ATXN1: variants seen among roughly 807,000 people sequenced by gnomAD.
ATXN1 encodes the protein ataxin-1.
A neutral mutation model predicts 56.4 loss-of-function variants in ATXN1; 8 were observed. The ratio of observed to expected loss-of-function variants is 0.14; its 90% CI spans 0.08 to 0.26. The LOEUF is 0.26. Among genes scored for constraint, ATXN1 ranks in the 10% least tolerant of loss-of-function variants. The pLI is 1.00. For synonymous variants in ATXN1, 514 were observed against 494.6 expected (o/e 1.04, Z -0.52); for missense variants, 987 against 1,106.5 (o/e 0.89, Z 1.53).
intron 2 of ATXN1, among the ~76,000 whole-genome samples, chr6:16,683,769 T>C (rs144318370): frequency 2.0e-5 from 3 of 152,320 alleles, no homozygotes; most frequent in Non-Finnish European, 2.9e-5. Context: ...TCCTGGCAAA[T>C]TGCTCTGCCG....
intron 6 of ATXN1, among the ~76,000 whole-genome samples, chr6:16,429,424 C>CA (rs1357579868): frequency 2.1e-5 from 2 of 95,406 alleles, no homozygotes; most frequent in Non-Finnish European, 4.2e-5. Context: ...ATTTTTTGTT[C>CA]GTTTTTTTTT....
chr6:16,371,554 G>A (rs1474744620), intron 6 of ATXN1, among the ~76,000 whole-genome samples: 1 of 151,878 alleles, frequency 6.6e-6, no homozygotes, highest in Non-Finnish European at 1.5e-5. Context: ...ATTGATACAA[G>A]TGTTTTCTTT....
At chr6:16,536,039 C>A (rs761831084) in intron 4 of ATXN1, among the ~76,000 whole-genome samples, 7 of 149,628 alleles carry the variant, frequency 4.7e-5, no homozygotes, top group Non-Finnish European at 1.0e-4. Context: ...CTGACTCTAC[C>A]AAAAAAAAAC....
In ATXN1 at chr6:16,428,370, C is replaced by T. The variant is rs187526101; in HGVS notation, c.-161+57602G>A. 7.5e-3 allele frequency among the ~76,000 whole-genome samples: 1,133 copies of T among 152,028 alleles called. 5 individuals carry two copies. The highest frequency in any genetic ancestry group is 0.012 in the Non-Finnish European group (846 of 67,966). On this transcript the variant is annotated intron_variant, in intron 6 of 7. Coordinates refer to ENST00000436367, the MANE Select transcript of ATXN1 (RefSeq NM_001128164.2). ...CTGACCTCAGGCGATCCACCTGCCT[C>T]GGCCTCCCAAAGTGTTGAGATTATA...
chr6:16,395,629 T>G (rs548471333), intron 6 of ATXN1, among the ~76,000 whole-genome samples: 2 of 152,300 alleles, frequency 1.3e-5, no homozygotes, highest in South Asian at 4.1e-4. Flanking sequence ...ACATAATAGT[T>G]GATAGTGAAA....
intron 2 of ATXN1, among the ~76,000 whole-genome samples, chr6:16,700,523 G>A (rs892916088): frequency 6.6e-6 from 1 of 152,098 alleles, no homozygotes; most frequent in African/African-American, 2.4e-5. Context: ...CTGGGGCCAA[G>A]CAGAAGTCCT....
intron 2 of ATXN1, among the ~76,000 whole-genome samples, chr6:16,745,738 C>A (rs1760509239): frequency 6.6e-6 from 1 of 151,952 alleles, no homozygotes; most frequent in Admixed American, 6.5e-5. Context: ...CCAAGAGCTA[C>A]CTGCAGAAAA....
intron 4 of ATXN1, among the ~76,000 whole-genome samples, chr6:16,543,443 C>T (rs550387131): frequency 6.6e-6 from 1 of 152,064 alleles, no homozygotes; most frequent in East Asian, 1.9e-4. Context: ...CATCCTTTAT[C>T]GGCTTGCACA....
rs151115582 is a variant in ATXN1, at chr6:16,571,835, A to T, written c.-361+13945T>A. ...GCCACCATGCTCAGCTAAGTTTTAA[A>T]TTTTTTTTGTAGAGATAGGGTCTCA... is the stretch of plus-strand genomic sequence containing the variant. On this transcript the variant is annotated intron_variant, in intron 4 of 7. Transcript: ENST00000436367. 4.6e-4 allele frequency among the ~76,000 whole-genome samples: 70 copies of T among 151,918 alleles called. No individual in the cohort carries two copies. In the East Asian group the frequency reaches 0.013, roughly 28 times the overall value.
chr6:16,668,480 T>A (rs1411520305), intron 2 of ATXN1, among the ~76,000 whole-genome samples: 16 of 152,074 alleles, frequency 1.1e-4, no homozygotes, highest in Non-Finnish European at 1.8e-4. Context: ...ATTAGCCATG[T>A]AATTGAACCA....
At chr6:16,347,148 C>T (rs1761428685) in intron 6 of ATXN1, among the ~76,000 whole-genome samples, 1 of 152,242 alleles carries the variant, frequency 6.6e-6, no homozygotes, top group Non-Finnish European at 1.5e-5. Context: ...CCTGTGCAGC[C>T]AGAGCCTCCC....
At chr6:16,464,199 C>A (rs1760055007) in intron 6 of ATXN1, among the ~76,000 whole-genome samples, 1 of 152,188 alleles carries the variant, frequency 6.6e-6, no homozygotes, top group Non-Finnish European at 1.5e-5. Flanking sequence ...CAATCAGGAA[C>A]TTTCCTGTCT....
chr6:16,712,563 T>G (rs1759548395), intron 2 of ATXN1, among the ~76,000 whole-genome samples: 1 of 152,070 alleles, frequency 6.6e-6, no homozygotes, highest in South Asian at 2.1e-4. Context: ...TTCCAAATAA[T>G]CCAGTTACCA....
chr6:16,512,592 CT>C (rs916002033), intron 5 of ATXN1, among the ~76,000 whole-genome samples: 1 of 152,144 alleles, frequency 6.6e-6, no homozygotes, highest in Non-Finnish European at 1.5e-5. Context: ...AGGCAGGCCC[CT>C]TTTTTTGTCG....
intron 6 of ATXN1, among the ~76,000 whole-genome samples, chr6:16,480,925 A>G (rs145082631): frequency 6.6e-6 from 1 of 152,236 alleles, no homozygotes; most frequent in African/African-American, 2.4e-5. Context: ...GGTAGCTCTG[A>G]CACCACTTCT....
rs145935830 is a variant in ATXN1, at chr6:16,539,869, G to A, written c.-360-17181C>T. On this transcript the variant is annotated intron_variant, in intron 4 of 7. Transcript: ENST00000436367. ...GCATCAGAAACAAATTACACCCTTA[G>A]AGGCAGATGACACACCGAAGGCAGA... Among the ~76,000 whole-genome samples, 344 of 152,262 alleles carry A rather than the reference G, an allele frequency of 2.3e-3. 1 individual carries two copies. The highest frequency in any genetic ancestry group is 7.7e-3 in the African/African-American group (320 of 41,560).
chr6:16,755,662 A>G (rs10949379), intron 1 of ATXN1, among the ~76,000 whole-genome samples: 11,224 of 152,038 alleles, frequency 0.074, 478 homozygotes, highest in East Asian at 0.12. Context: ...ACTGTCACGA[A>G]AAACTTCTGC....
At chr6:16,516,152 A>G (rs1406046196) in intron 5 of ATXN1, among the ~76,000 whole-genome samples, 1 of 152,176 alleles carries the variant, frequency 6.6e-6, no homozygotes, top group Non-Finnish European at 1.5e-5. Context: ...AATGTTAACT[A>G]TGTTGTTATT....
intron 6 of ATXN1, among the ~76,000 whole-genome samples, chr6:16,388,521 G>A (rs761872169): frequency 4.6e-5 from 7 of 152,214 alleles, no homozygotes; most frequent in African/African-American, 7.2e-5. Context: ...ATTCTGCTAC[G>A]TCAAATAAAG....
Sources: allele counts gnomAD v4.1 joint callset (sites outside exome capture counted in the v4.1 genomes callset), GRCh38; gene constraint gnomAD v4.1.1; transcripts MANE v1.5; gene names NCBI Gene and HGNC (gene_info 2026-07-23, HGNC 2026-07-21).